The following TMEM230 variants were observed in gnomAD, a reference collection of about 807,000 sequenced individuals.
TMEM230 encodes the protein UPF0414 transmembrane protein C20orf30.
In TMEM230, 10 loss-of-function variants were observed where a neutral mutation model predicts 15.8. That is an observed-to-expected ratio of 0.63 (90% CI 0.39 to 1.07). TMEM230 has a LOEUF of 1.07. Ranked by LOEUF, TMEM230 falls within the 50% of genes least tolerant of loss-of-function variation. The pLI is 0.01. For synonymous variants in TMEM230, 67 were observed against 76.9 expected, an observed-to-expected ratio of 0.87 and a Z score of 0.68; for missense variants, 165 against 193.3, an observed-to-expected ratio of 0.85 and a Z score of 0.87.
At chr20:5,103,380 A>G (rs187144596) in intron 4 of TMEM230, among the ~76,000 whole-genome samples, 4 of 152,216 alleles carry the variant, frequency 2.6e-5, no homozygotes, top group African/African-American at 9.6e-5. Flanking sequence ...GGGAGGATCG[A>G]CTGAGCCCTG....
intron 3 of TMEM230, among the ~76,000 whole-genome samples, chr20:5,070,034 C>T (rs546030574): frequency 4.0e-4 from 61 of 152,248 alleles, no homozygotes; most frequent in African/African-American, 1.3e-3. Flanking sequence ...TGAATTGGGG[C>T]TGACCTTAGT....
chr20:5,063,443 G>A (rs573787732), downstream of TMEM230, among the ~76,000 whole-genome samples: 165 of 151,820 alleles, frequency 1.1e-3, 2 homozygotes, highest in South Asian at 0.024. Context: ...GTGCACCACC[G>A]CACCTGGCTA....
chr20:5,112,592 T>G (rs1267413696), intron 1 of TMEM230: 12 of 799,742 alleles, frequency 1.5e-5, no homozygotes, highest in East Asian at 5.4e-5. Flanking sequence ...TTTCAAAGTA[T>G]CAGTCTTCGT....
Position 5,111,527 on chromosome 20 carries a change from T to C in TMEM230, c.147A>G (p.Ser49=). 1 of 195,664 alleles carries C rather than the reference T, an allele frequency of 5.1e-6. No homozygotes were observed. Among genetic ancestry groups the C allele is most frequent in the South Asian group, 5.1e-5 (1 of 19,546 alleles). The allele number at this position is 195,664 out of a possible 1,614,324, so 12.1% of individuals were successfully genotyped here. A position where few individuals can be genotyped will look rare whatever the true frequency, so the allele number is the denominator to read the frequency against. ...GGGAGGCTGAAGCAGAAGAATCGCT[T>C]GAAGCCAGGAGGTGGAGATTGCAGT... Residue 49 remains serine (S), a synonymous_variant, in exon 2 of 5, where the codon TCA becomes TCG. Coordinates refer to ENST00000342308, the MANE Select transcript of TMEM230 (RefSeq NM_001009923.2).
Position 5,100,769 on chromosome 20 carries a change from C to A in TMEM230, c.*22G>T. On this transcript the variant is annotated 3_prime_UTR_variant, in exon 5 of 5. Coordinates refer to ENST00000342308, the MANE Select transcript of TMEM230 (RefSeq NM_001009923.2). ...AGCTGGGACAGTTCCACTGTGACTC[C>A]TCCTCAGCTATGGGGTGGGTGCTAG... 1 of 1,612,216 alleles carries A rather than the reference C, an allele frequency of 6.2e-7. No homozygotes were observed.
intron 3 of TMEM230, among the ~76,000 whole-genome samples, chr20:5,086,012 C>T (rs184929757): frequency 4.7e-4 from 72 of 152,302 alleles, no homozygotes; most frequent in Admixed American, 7.2e-4. Context: ...TTGGGTAGTA[C>T]ATCCTTGAAC....
chr20:5,066,809 A>G (rs1190512419), downstream of TMEM230, among the ~76,000 whole-genome samples: 1 of 152,014 alleles, frequency 6.6e-6, no homozygotes, highest in Non-Finnish European at 1.5e-5. Context: ...GTTCATGCTC[A>G]TCATCCCTCA....
At chr20:5,071,131 G>T (rs1452771212) in intron 3 of TMEM230, among the ~76,000 whole-genome samples, 1 of 152,144 alleles carries the variant, frequency 6.6e-6, no homozygotes, top group Non-Finnish European at 1.5e-5. Context: ...CACCAGAAAT[G>T]ATGGTAAAGC....
intron 3 of TMEM230, among the ~76,000 whole-genome samples, chr20:5,108,710 C>CACGTAGA (rs2090191382): frequency 6.6e-6 from 1 of 152,066 alleles, no homozygotes; most frequent in Non-Finnish European, 1.5e-5. Context: ...GCCCTAGTTC[C>CACGTAGA]ACGTAGAACA....
chr20:5,106,124 C>A, intron 4 of TMEM230, 64 bp downstream of exon 3: 2 of 1,564,060 alleles, frequency 1.3e-6, no homozygotes, highest in Non-Finnish European at 1.7e-6. Context: ...CACACACGCA[C>A]ACTAGAGCCT....
chr20:5,111,811 A>T, intron 1 of TMEM230: 1 of 978,566 alleles, frequency 1.0e-6, no homozygotes, highest in Non-Finnish European at 1.2e-6. Flanking sequence ...GTACATACCT[A>T]ATTCCAAAAA....
At chr20:5,072,207 T>G (rs1279191730) in intron 3 of TMEM230, among the ~76,000 whole-genome samples, 1 of 152,110 alleles carries the variant, frequency 6.6e-6, no homozygotes, top group African/African-American at 2.4e-5. Context: ...TGCACCACCA[T>G]GCCTGGCTGA....
intron 3 of TMEM230, among the ~76,000 whole-genome samples, chr20:5,070,438 G>A (rs966889637): frequency 6.6e-6 from 1 of 152,228 alleles, no homozygotes; most frequent in Non-Finnish European, 1.5e-5. Context: ...CAGTGATGAA[G>A]TGTTGGGGCC....
chr20:5,078,954 C>T (rs1410507251), intron 3 of TMEM230, among the ~76,000 whole-genome samples: 1 of 151,950 alleles, frequency 6.6e-6, no homozygotes, highest in Non-Finnish European at 1.5e-5. Flanking sequence ...TGGGCCCAGC[C>T]TACATTTGTT....
intron 4 of TMEM230, among the ~76,000 whole-genome samples, chr20:5,101,706 G>T (rs1382112625): frequency 1.3e-5 from 2 of 152,154 alleles, no homozygotes; most frequent in Non-Finnish European, 2.9e-5. Context: ...AGAATTATAG[G>T]CTTGAGCCAC....
intron 3 of TMEM230, among the ~76,000 whole-genome samples, chr20:5,070,516 C>T (rs2088789428): frequency 6.6e-6 from 1 of 152,164 alleles, no homozygotes; most frequent in Admixed American, 6.5e-5. Flanking sequence ...AAGAAGTTGT[C>T]TTGATCACCG....
chr20:5,088,126 T>C (rs980695282), intron 3 of TMEM230, among the ~76,000 whole-genome samples: 5 of 149,632 alleles, frequency 3.3e-5, no homozygotes, highest in South Asian at 2.2e-4. Context: ...CTGGCCAACA[T>C]GGTGAAACCC....
At chr20:5,092,709 C>T (rs1432047260) in intron 3 of TMEM230, among the ~76,000 whole-genome samples, 4 of 146,862 alleles carry the variant, frequency 2.7e-5, no homozygotes, top group African/African-American at 1.0e-4. Flanking sequence ...GAGCAAAACT[C>T]CGTCTCAAAA....
intron 3 of TMEM230, among the ~76,000 whole-genome samples, chr20:5,074,693 C>T (rs1378652773): frequency 1.3e-5 from 2 of 152,132 alleles, no homozygotes; most frequent in Non-Finnish European, 2.9e-5. Context: ...AATCCCTGCA[C>T]TTTGGGAGGC....
Sources: allele counts gnomAD v4.1 joint callset (sites outside exome capture counted in the v4.1 genomes callset), GRCh38; gene constraint gnomAD v4.1.1; transcripts MANE v1.5; gene names NCBI Gene and HGNC (gene_info 2026-07-23, HGNC 2026-07-21).